Variants in CSMD1 observed in about 807,000 individuals in gnomAD.
CSMD1 encodes CUB and Sushi multiple domains 1.
CSMD1 carries 213 observed loss-of-function variants against 417.5 expected under a neutral mutation model. That is an observed-to-expected ratio of 0.51 (90% CI 0.46 to 0.57). CSMD1 has a LOEUF of 0.57. CSMD1 is among the 20% of genes least tolerant of loss of function. The pLI is 0.00. For missense variants in CSMD1, 6,923 were observed against 4,529.7 expected, an observed-to-expected ratio of 1.53 and a Z score of -15.17; for synonymous variants, 2,862 against 1,736.8, an observed-to-expected ratio of 1.65 and a Z score of -16.11.
intron 3 of CSMD1, among the ~76,000 whole-genome samples, chr8:4,036,956 G>GGGGTGT (rs1486469000): frequency 1.4e-4 from 21 of 145,936 alleles, no homozygotes; most frequent in East Asian, 4.2e-4. Flanking sequence ...GTGAGTGTGG[G>GGGGTGT]GTGTGTGTGT....
chr8:4,335,493 C>T (rs1800113983), intron 3 of CSMD1, among the ~76,000 whole-genome samples: 1 of 152,062 alleles, frequency 6.6e-6, no homozygotes, highest in African/African-American at 2.4e-5. Context: ...TACAAATGTC[C>T]TGAACAAACG....
chr8:4,424,840 T>G (rs1797453587), intron 2 of CSMD1, among the ~76,000 whole-genome samples: 1 of 152,092 alleles, frequency 6.6e-6, no homozygotes, highest in Admixed American at 6.6e-5. Context: ...GAGAAACTGG[T>G]ATACAGTACA....
intron 1 of CSMD1, among the ~76,000 whole-genome samples, chr8:4,761,227 G>T (rs928334355): frequency 6.6e-6 from 1 of 152,124 alleles, no homozygotes; most frequent in East Asian, 1.9e-4. Flanking sequence ...GGAGGTCACA[G>T]GAGACTATGG....
chr8:4,213,628 A>C (rs1327553195), intron 3 of CSMD1, among the ~76,000 whole-genome samples: 4 of 152,188 alleles, frequency 2.6e-5, no homozygotes, highest in Non-Finnish European at 5.9e-5. Flanking sequence ...AATGAATTTT[A>C]AAATGCAGAG....
Position 3,307,745 on chromosome 8 carries a change from G to C in CSMD1, c.3900C>G (p.Asn1300Lys). ...LSPGYPAPYDNNLHCTWIIEA... is the reference protein window; with the variant it reads ...LSPGYPAPYDKNLHCTWIIEA... Reference sequence around the variant, plus strand: ...CTATAATCCAGGTGCAGTGGAGGTTGTTGTCATACGGAGCTGGATAGCCAG... The same window carrying C: ...CTATAATCCAGGTGCAGTGGAGGTTCTTGTCATACGGAGCTGGATAGCCAG... Residue 1300 changes from asparagine (N) to lysine (K), a missense_variant, in exon 25 of 70, where the codon AAC becomes AAG. Physicochemically the swap from Asn to Lys is moderately conservative, Grantham distance 94. Coordinates refer to ENST00000635120, the MANE Select transcript of CSMD1 (RefSeq NM_033225.6). 1 of 1,613,778 alleles carries C rather than the reference G, an allele frequency of 6.2e-7. No homozygotes were observed. The highest frequency in any genetic ancestry group is 8.5e-7 in the Non-Finnish European group (1 of 1,179,732).
At chr8:4,342,915 T>G (rs1039907660) in intron 3 of CSMD1, among the ~76,000 whole-genome samples, 8 of 152,142 alleles carry the variant, frequency 5.3e-5, no homozygotes, top group Non-Finnish European at 7.4e-5. Context: ...TTTAGAGAAT[T>G]CCAAGATATG....
chr8:3,024,268 G>A (rs1809684097), intron 51 of CSMD1, among the ~76,000 whole-genome samples: 1 of 141,888 alleles, frequency 7.0e-6, no homozygotes, highest in Non-Finnish European at 1.5e-5. Flanking sequence ...GTAGATCCCA[G>A]ATAATGTTTA....
intron 2 of CSMD1, among the ~76,000 whole-genome samples, chr8:4,535,739 G>C (rs996777939): frequency 2.0e-5 from 3 of 152,160 alleles, no homozygotes; most frequent in African/African-American, 7.2e-5. Context: ...AATGATCGCA[G>C]TAGTACTCAT....
At chr8:4,742,569 GT>G (rs533933596) in intron 1 of CSMD1, among the ~76,000 whole-genome samples, 72 of 152,024 alleles carry the variant, frequency 4.7e-4, no homozygotes, top group African/African-American at 1.7e-3. Flanking sequence ...TAAGAGAAAT[GT>G]TTTTTTATTT....
At chr8:3,470,089 A>G (rs1292406581) in intron 11 of CSMD1, among the ~76,000 whole-genome samples, 3 of 152,194 alleles carry the variant, frequency 2.0e-5, no homozygotes, top group African/African-American at 7.2e-5. Context: ...TTAGACAATT[A>G]CCAACACCCC....
chr8:3,217,492 T>C (rs1797948793), intron 29 of CSMD1, among the ~76,000 whole-genome samples: 3 of 152,206 alleles, frequency 2.0e-5, no homozygotes, highest in Admixed American at 1.3e-4. Flanking sequence ...ATTCTCACAA[T>C]TATATGAGGA....
At chr8:3,614,508 A>G (rs151043611) in intron 8 of CSMD1, among the ~76,000 whole-genome samples, 1 of 152,354 alleles carries the variant, frequency 6.6e-6, no homozygotes, top group Non-Finnish European at 1.5e-5. Context: ...ATGTGCTAAG[A>G]AGACATTGGC....
intron 12 of CSMD1, among the ~76,000 whole-genome samples, chr8:3,439,303 ATATATATTTT>A (rs1186527930): frequency 5.3e-5 from 2 of 37,930 alleles, no homozygotes; most frequent in African/African-American, 2.5e-4. Flanking sequence ...ATATATATAT[ATATATATTTT>A]TTTTTTTAAT....
At chr8:3,406,301 C>T (rs373412945) in intron 14 of CSMD1, 80 bp from the exon 15 acceptor site, 3 of 1,175,522 alleles carry the variant, frequency 2.6e-6, no homozygotes, top group Middle Eastern at 2.0e-4. Context: ...GAAAACAGAA[C>T]AAGCTTATAA....
rs191505056 is a variant in CSMD1 at position 4,241,881 on chromosome 8, G to C, written c.415+178072C>G. Reference sequence around the variant, plus strand: ...GTGCAAAAAAAGAGAGAAAGATGGAGGCAGAATGCAAGGCATAAAGACAAC... The same window carrying C: ...GTGCAAAAAAAGAGAGAAAGATGGACGCAGAATGCAAGGCATAAAGACAAC... On this transcript the variant is annotated intron_variant, in intron 3 of 69. Coordinates refer to ENST00000635120, the MANE Select transcript of CSMD1 (RefSeq NM_033225.6). 1.4e-3 allele frequency among the ~76,000 whole-genome samples: 206 copies of C among 152,122 alleles called. 2 individuals are homozygous for C. The highest frequency in any genetic ancestry group is 6.2e-3 in the Admixed American group (95 of 15,274).
chr8:4,662,756 A>G (rs1804678192), intron 1 of CSMD1, among the ~76,000 whole-genome samples: 3 of 152,202 alleles, frequency 2.0e-5, no homozygotes. Flanking sequence ...CACCGTTCCT[A>G]TGGATGATGC....
chr8:3,308,973 C>G (rs1020805208), intron 23 of CSMD1, among the ~76,000 whole-genome samples: 3 of 152,108 alleles, frequency 2.0e-5, no homozygotes, highest in Non-Finnish European at 2.9e-5. Flanking sequence ...AATCCACCCC[C>G]TCAGCCTCCC....
chr8:4,434,683 G>A (rs919420297), intron 2 of CSMD1, among the ~76,000 whole-genome samples: 4 of 152,116 alleles, frequency 2.6e-5, no homozygotes, highest in Non-Finnish European at 5.9e-5. Flanking sequence ...TGACTGGAAA[G>A]GAACAAAGAG....
intron 1 of CSMD1, among the ~76,000 whole-genome samples, chr8:4,732,206 G>GTAT (rs1325453742): frequency 2.0e-5 from 3 of 152,150 alleles, no homozygotes; most frequent in African/African-American, 7.2e-5. Flanking sequence ...GAACTCAGAT[G>GTAT]TATCAGACCC....
Sources: allele counts gnomAD v4.1 joint callset (sites outside exome capture counted in the v4.1 genomes callset), GRCh38; gene constraint gnomAD v4.1.1; transcripts MANE v1.5; gene names NCBI Gene and HGNC (gene_info 2026-07-23, HGNC 2026-07-21).